LRRIQ1: variants seen among roughly 807,000 people sequenced by gnomAD.
LRRIQ1 encodes leucine rich repeats and IQ motif containing 1, also known as leucine-rich repeat- and IQ domain-containing protein 1.
Under a neutral mutation model 211.9 loss-of-function variants are expected in LRRIQ1, and 210 were observed. The observed-to-expected ratio is 0.99, with a 90% CI of 0.89 to 1.11. The LOEUF (loss-of-function observed/expected upper bound fraction) is 1.11. Ranked by LOEUF, LRRIQ1 falls within the 50% of genes most tolerant of loss-of-function variation. LRRIQ1 has a pLI of 0.00. For synonymous variants in LRRIQ1, 699 were observed against 650.1 expected (o/e 1.08, Z -1.14); for missense variants, 2,136 against 1,939.5 (o/e 1.10, Z -1.90).
At chr12:85,176,968 A>C (rs1340870575) in intron 24 of LRRIQ1, among the ~76,000 whole-genome samples, 1 of 152,042 alleles carries the variant, frequency 6.6e-6, no homozygotes. Context: ...AATCATATTC[A>C]CCAACTTGGA....
chr12:85,127,410 C>G (rs988155472), intron 17 of LRRIQ1, among the ~76,000 whole-genome samples: 1 of 152,180 alleles, frequency 6.6e-6, no homozygotes, highest in Non-Finnish European at 1.5e-5. Context: ...AGGAAGCCTC[C>G]TTCCTCTTAC....
At chr12:85,095,538 T>C (rs1382149042) in intron 11 of LRRIQ1, among the ~76,000 whole-genome samples, 5 of 152,176 alleles carry the variant, frequency 3.3e-5, no homozygotes, top group African/African-American at 4.8e-5. Flanking sequence ...TGAGGATTTT[T>C]GCATCTAGGT....
At chr12:85,210,869 A>G (rs1025992429) in intron 24 of LRRIQ1, among the ~76,000 whole-genome samples, 2 of 152,192 alleles carry the variant, frequency 1.3e-5, no homozygotes, top group African/African-American at 4.8e-5. Context: ...CACTATAAAG[A>G]TAATGTTTTC....
chr12:85,055,031 A>G (rs1880813949), intron 7 of LRRIQ1, among the ~76,000 whole-genome samples: 1 of 152,138 alleles, frequency 6.6e-6, no homozygotes, highest in Non-Finnish European at 1.5e-5. Flanking sequence ...GGGATAAGAT[A>G]TGTGAGTAGG....
chr12:85,243,311 C>T (rs1159227802), intron 26 of LRRIQ1, among the ~76,000 whole-genome samples: 1 of 100,308 alleles, frequency 1.0e-5, no homozygotes, highest in African/African-American at 3.9e-5. Context: ...TAATGTATAA[C>T]TTTTATTATT....
chr12:85,108,345 C>T (rs892628466), intron 15 of LRRIQ1, among the ~76,000 whole-genome samples: 1 of 152,058 alleles, frequency 6.6e-6, no homozygotes, highest in African/African-American at 2.4e-5. Context: ...ACAGGCTGGT[C>T]TCGAACTCCT....
At chr12:85,050,121 G>C (rs971916239) in intron 6 of LRRIQ1, among the ~76,000 whole-genome samples, 2 of 152,010 alleles carry the variant, frequency 1.3e-5, no homozygotes, top group Non-Finnish European at 2.9e-5. Context: ...ATCACCAAGG[G>C]GATGGTCAAA....
intron 11 of LRRIQ1, among the ~76,000 whole-genome samples, chr12:85,087,474 G>A (rs1884949511): frequency 6.6e-6 from 1 of 152,148 alleles, no homozygotes; most frequent in East Asian, 1.9e-4. Flanking sequence ...TGGGATACCT[G>A]GGTCAAATGG....
chr12:85,085,120 C>T (rs186447736), intron 11 of LRRIQ1, among the ~76,000 whole-genome samples: 4 of 151,990 alleles, frequency 2.6e-5, no homozygotes, highest in South Asian at 4.2e-4. Context: ...GTGTTTCCCC[C>T]GCCCCCCAAT....
chr12:85,198,811 A>T (rs764494000), intron 24 of LRRIQ1, among the ~76,000 whole-genome samples: 1 of 152,006 alleles, frequency 6.6e-6, no homozygotes, highest in East Asian at 1.9e-4. Flanking sequence ...CTCGTGATCC[A>T]CCCGCCTTGG....
In LRRIQ1 at chr12:85,143,311, G is replaced by A. The variant is rs569876772; in HGVS notation, c.4329+5342G>A. On this transcript the variant is annotated intron_variant, in intron 19 of 26. Transcript: ENST00000393217. ...CTCATTTCCAGTTGATTGATTTGTT[G>A]TTTGTTATTGAGTTGTTTGAGTTCC... 6.6e-5 allele frequency among the ~76,000 whole-genome samples: 10 copies of A among 151,422 alleles called. No homozygotes were observed. The South Asian group carries it at 1.9e-3, about 28-fold the overall frequency.
intron 1 of LRRIQ1, among the ~76,000 whole-genome samples, chr12:85,250,542 C>A (rs986358933): frequency 6.6e-6 from 1 of 150,596 alleles, no homozygotes; most frequent in Non-Finnish European, 1.5e-5. Flanking sequence ...GACCTTGAGA[C>A]CAGCCTGAGC....
intron 24 of LRRIQ1, among the ~76,000 whole-genome samples, chr12:85,163,984 G>A (rs1221547755): frequency 6.6e-6 from 1 of 152,096 alleles, no homozygotes; most frequent in Non-Finnish European, 1.5e-5. Context: ...TTTTTCCTAT[G>A]AGACAAGTCT....
At position 85,121,720 on chromosome 12, in the gene LRRIQ1, C is replaced by T. The variant is rs1324780348; in HGVS notation, c.3401C>T (p.Pro1134Leu). Residue 1134 changes from proline to leucine, a missense_variant, in exon 16 of 27, where the codon CCT becomes CTT. Transcript: ENST00000393217. ...NWRDSLLKVL[P>L]ALRILNGNIL... ...AGGGATTCTCTACTTAAAGTGTTGC[C>T]TGCTCTGAGAATCCTCAATGGCAAT... The T allele has an allele frequency of 6.3e-7, 1 of 1,589,442 alleles. No individual in the cohort carries two copies. The highest frequency in any genetic ancestry group is 8.6e-7 in the Non-Finnish European group (1 of 1,169,400).
chr12:85,226,531 CTT>C (rs540579707), intron 24 of LRRIQ1, among the ~76,000 whole-genome samples: 92 of 136,472 alleles, frequency 6.7e-4, no homozygotes, highest in Non-Finnish European at 8.6e-4. Context: ...TTTCTACTTC[CTT>C]TTTTTTTTTT....
chr12:85,141,314 G>T (rs1203211217), intron 19 of LRRIQ1, among the ~76,000 whole-genome samples: 1 of 150,840 alleles, frequency 6.6e-6, no homozygotes, highest in African/African-American at 2.4e-5. Flanking sequence ...TAAGTGATTT[G>T]CAGGAGGGGC....
chr12:85,208,412 G>A (rs1056344066), intron 24 of LRRIQ1, among the ~76,000 whole-genome samples: 4 of 151,928 alleles, frequency 2.6e-5, no homozygotes, highest in East Asian at 1.9e-4. Flanking sequence ...ACATTAATGC[G>A]GATATATAGA....
intron 24 of LRRIQ1, among the ~76,000 whole-genome samples, chr12:85,208,699 A>G (rs1893685748): frequency 6.6e-6 from 1 of 152,194 alleles, no homozygotes; most frequent in South Asian, 2.1e-4. Flanking sequence ...TACAAACTCA[A>G]TGGATGGATT....
chr12:85,103,094 C>T lies in LRRIQ1; in HGVS notation c.3210-910C>T, dbSNP rs192796828. On this transcript the variant is annotated intron_variant, in intron 13 of 26. Transcript: ENST00000393217. ...TATTATGTTACACAGTAAGTGTAGA[C>T]TTGTCCTAGTTGGAAATGCAAATCA... 2.6e-3 allele frequency among the ~76,000 whole-genome samples: 395 copies of T among 149,418 alleles called. 2 individuals carry two copies. Among genetic ancestry groups the T allele is most frequent in the Non-Finnish European group, 4.1e-3 (278 of 67,218 alleles).
Sources: allele counts gnomAD v4.1 joint callset (sites outside exome capture counted in the v4.1 genomes callset), GRCh38; gene constraint gnomAD v4.1.1; transcripts MANE v1.5; gene names NCBI Gene and HGNC (gene_info 2026-07-23, HGNC 2026-07-21).